GLCCI1: variants seen among roughly 807,000 people sequenced by gnomAD.
The protein encoded by GLCCI1 is glucocorticoid induced 1.
Under a neutral mutation model 52.2 loss-of-function variants are expected in GLCCI1, and 24 were observed. The ratio of observed to expected loss-of-function variants is 0.46; its 90% confidence interval spans 0.33 to 0.65. GLCCI1 has a LOEUF of 0.65. GLCCI1 is among the 30% of genes least tolerant of loss of function. The pLI is 0.02. For missense variants in GLCCI1, 704 were observed against 701.5 expected (o/e 1.00, Z -0.04); for synonymous variants, 310 against 276.5 (o/e 1.12, Z -1.20).
chr7:7,998,464 C>T (rs569227572), intron 1 of GLCCI1, among the ~76,000 whole-genome samples: 13 of 152,368 alleles, frequency 8.5e-5, no homozygotes, highest in Admixed American at 6.5e-4. Flanking sequence ...CATCCACCCA[C>T]CTCGGCCTCC....
chr7:8,012,393 G>A (rs1180106419), intron 2 of GLCCI1, among the ~76,000 whole-genome samples: 3 of 141,738 alleles, frequency 2.1e-5, no homozygotes, highest in African/African-American at 7.7e-5. Flanking sequence ...TACATGGTTT[G>A]CAAATATTTT....
At chr7:8,046,910 G>T (rs1782141573) in intron 3 of GLCCI1, among the ~76,000 whole-genome samples, 1 of 152,074 alleles carries the variant, frequency 6.6e-6, no homozygotes, top group African/African-American at 2.4e-5. Context: ...CCAGGGAAGA[G>T]AAATTTCCCA....
At chr7:8,055,992 C>CAAAAA (rs35822583) in intron 4 of GLCCI1, among the ~76,000 whole-genome samples, 1 of 120,686 alleles carries the variant, frequency 8.3e-6, no homozygotes, top group African/African-American at 3.2e-5. Flanking sequence ...GACTCCGTCT[C>CAAAAA]AAAAAAAAAA....
rs1371801944 is a variant in GLCCI1, at chr7:8,045,290, C to G, written c.697-10143C>G. 3.9e-5 allele frequency among the ~76,000 whole-genome samples: 6 copies of G among 152,192 alleles called. No individual in the cohort carries two copies. In the East Asian group the frequency reaches 1.2e-3, roughly 29 times the overall value. ...TCACAAGGCACACTTACAGATGCAC[C>G]CACACTCGCTCAGACTGGGACCATT... On this transcript the variant is annotated intron_variant, in intron 3 of 7. Coordinates refer to ENST00000223145, the MANE Select transcript of GLCCI1 (RefSeq NM_138426.4).
At chr7:8,035,420 C>T (rs570574390) in intron 3 of GLCCI1, among the ~76,000 whole-genome samples, 157 of 152,290 alleles carry the variant, frequency 1.0e-3, no homozygotes, top group African/African-American at 3.7e-3. Flanking sequence ...GCCATGGCTG[C>T]TCCTATGGGA....
At chr7:8,039,167 A>G (rs1220195037) in intron 3 of GLCCI1, among the ~76,000 whole-genome samples, 4 of 152,230 alleles carry the variant, frequency 2.6e-5, no homozygotes. Flanking sequence ...GTAAATTACT[A>G]CAACCTCTAT....
intron 1 of GLCCI1, among the ~76,000 whole-genome samples, chr7:7,991,406 T>A (rs1267309701): frequency 6.6e-6 from 1 of 152,116 alleles, no homozygotes; most frequent in Non-Finnish European, 1.5e-5. Flanking sequence ...AGAATGCAGA[T>A]AATTTTCCAA....
intron 1 of GLCCI1, among the ~76,000 whole-genome samples, chr7:7,996,677 T>G (rs1780944134): frequency 1.3e-5 from 2 of 152,216 alleles, no homozygotes; most frequent in South Asian, 2.1e-4. Context: ...TTTTTTGGTT[T>G]GTTTGTTTTT....
At chr7:8,071,663 C>G in intron 6 of GLCCI1, among the ~76,000 whole-genome samples, 1 of 152,100 alleles carries the variant, frequency 6.6e-6, no homozygotes, top group East Asian at 1.9e-4. Context: ...ATTCTTATTT[C>G]CTATCAAGCC....
At chr7:8,049,857 A>G (rs118072615) in intron 3 of GLCCI1, among the ~76,000 whole-genome samples, 1 of 152,206 alleles carries the variant, frequency 6.6e-6, no homozygotes, top group East Asian at 1.9e-4. Flanking sequence ...GCTGTTTCAC[A>G]TTGGGAAGGT....
chr7:8,055,318 C>G, intron 3 of GLCCI1, 115 bp from the exon 4 acceptor site: 1 of 529,272 alleles, frequency 1.9e-6, no homozygotes. Context: ...GAAATATTGT[C>G]TCTTCTTAGA....
intron 3 of GLCCI1, among the ~76,000 whole-genome samples, chr7:8,053,436 C>T (rs1782311897): frequency 6.6e-6 from 1 of 150,930 alleles, no homozygotes; most frequent in African/African-American, 2.4e-5. Context: ...AATTCTTTTG[C>T]CTCAGCCTCC....
At chr7:8,022,223 ATTAAG>A (rs1233038186) in intron 2 of GLCCI1, among the ~76,000 whole-genome samples, 9 of 152,274 alleles carry the variant, frequency 5.9e-5, no homozygotes, top group East Asian at 1.9e-4. Context: ...GAATTTTATA[ATTAAG>A]TTATTTATGT....
intron 6 of GLCCI1, chr7:8,084,631 G>T: frequency 3.2e-6 from 1 of 308,794 alleles, no homozygotes; most frequent in Non-Finnish European, 6.0e-6. Context: ...TTGTTTTCAG[G>T]ATTACAGCTC....
intron 1 of GLCCI1, among the ~76,000 whole-genome samples, chr7:7,979,835 T>C (rs1327187693): frequency 6.6e-6 from 1 of 152,226 alleles, no homozygotes; most frequent in East Asian, 1.9e-4. Context: ...GAATGGGAAG[T>C]GACAAACTTT....
intron 1 of GLCCI1, among the ~76,000 whole-genome samples, chr7:8,003,031 G>A (rs1356102387): frequency 1.3e-5 from 2 of 152,192 alleles, no homozygotes; most frequent in Admixed American, 6.5e-5. Flanking sequence ...GAATGAGGAA[G>A]TTGAATTAAA....
intron 3 of GLCCI1, among the ~76,000 whole-genome samples, chr7:8,045,276 A>G (rs1332483504): frequency 1.3e-5 from 2 of 152,152 alleles, no homozygotes; most frequent in Non-Finnish European, 1.5e-5. Flanking sequence ...CACAAGGCAC[A>G]CTTACAGATG....
At chr7:8,008,517 A>G (rs1356474425) in intron 2 of GLCCI1, among the ~76,000 whole-genome samples, 4 of 151,176 alleles carry the variant, frequency 2.6e-5, no homozygotes, top group South Asian at 4.2e-4. Flanking sequence ...CTGGTCTTGA[A>G]CTCCTTGCCT....
chr7:8,011,550 G>A (rs914738670), intron 2 of GLCCI1, among the ~76,000 whole-genome samples: 2 of 152,078 alleles, frequency 1.3e-5, no homozygotes, highest in Non-Finnish European at 2.9e-5. Flanking sequence ...GTCTATGGGT[G>A]GACATTTAGG....
Sources: gnomAD v4.1 joint callset for allele counts (sites outside exome capture counted in the v4.1 genomes callset) on GRCh38, gnomAD v4.1.1 for gene constraint, MANE v1.5 for transcripts, NCBI Gene and HGNC (gene_info 2026-07-23, HGNC 2026-07-21) for gene names.